Variants in TNIK observed in about 807,000 individuals in gnomAD.
TNIK encodes TRAF2 and NCK-interacting protein kinase.
TNIK carries 49 observed loss-of-function variants against 191.3 expected under a neutral mutation model. The ratio of observed to expected loss-of-function variants is 0.26; its 90% CI spans 0.20 to 0.32. The LOEUF (loss-of-function observed/expected upper bound fraction) is 0.32, where lower values mean the gene tolerates loss of function less well. Among genes scored for constraint, TNIK ranks in the 10% least tolerant of loss-of-function variants. The pLI, the probability that TNIK is intolerant of heterozygous loss-of-function variation, is 1.00. For missense variants in TNIK, 1,155 were observed against 1,702.3 expected (o/e 0.68, Z 5.66); for synonymous variants, 594 against 600.9 (o/e 0.99, Z 0.17).
intron 1 of TNIK, among the ~76,000 whole-genome samples, chr3:171,405,508 T>TAAAA (rs10635709): frequency 0.15 from 21,108 of 144,278 alleles, 1,739 homozygotes; most frequent in South Asian, 0.32. Flanking sequence ...CCAAATCTGG[T>TAAAA]AAAAAAAAAA....
chr3:171,173,386 AC>A (rs1474821133), intron 9 of TNIK, among the ~76,000 whole-genome samples: 1 of 131,030 alleles, frequency 7.6e-6, no homozygotes, highest in Non-Finnish European at 1.6e-5. Flanking sequence ...ACAGAGCGAG[AC>A]TCCGTCTCAA....
chr3:171,397,043 G>A (rs1384073342), intron 1 of TNIK, among the ~76,000 whole-genome samples: 1 of 152,130 alleles, frequency 6.6e-6, no homozygotes, highest in South Asian at 2.1e-4. Context: ...AAATACACTG[G>A]CATGAAGAGA....
chr3:171,068,034 A>G (rs1416375135), intron 30 of TNIK, among the ~76,000 whole-genome samples: 1 of 152,192 alleles, frequency 6.6e-6, no homozygotes, highest in Non-Finnish European at 1.5e-5. Flanking sequence ...GTAGCTTCAA[A>G]CATTCCTGAT....
In TNIK at chr3:171,204,891, C is replaced by T. The variant is rs182710564; in HGVS notation, c.306+6225G>A. 2.9e-4 allele frequency among the ~76,000 whole-genome samples: 44 copies of T among 152,258 alleles called. 1 individual carries two copies. The highest frequency in any genetic ancestry group is 1.0e-3 in the African/African-American group (42 of 41,552). On this transcript the variant is annotated intron_variant, in intron 4 of 32. Coordinates refer to ENST00000436636, the MANE Select transcript of TNIK (RefSeq NM_015028.4). ...AGACAGCTTGGGGTTAGCTAGCATG[C>T]TGGCTTCATCACGGACTTGCTATAA...
chr3:171,288,171 GGA>G (rs1264526329), intron 2 of TNIK, among the ~76,000 whole-genome samples: 34 of 113,872 alleles, frequency 3.0e-4, no homozygotes, highest in African/African-American at 9.7e-4. Flanking sequence ...ACTGTGGTGG[GGA>G]GGGGGGAGGG....
intron 2 of TNIK, among the ~76,000 whole-genome samples, chr3:171,368,158 T>A (rs1224894619): frequency 1.3e-5 from 2 of 152,260 alleles, no homozygotes; most frequent in East Asian, 3.9e-4. Context: ...GACTGCAGAG[T>A]TTCACCTCTT....
chr3:171,274,195 C>CAA (rs1229282529), intron 2 of TNIK, among the ~76,000 whole-genome samples: 3 of 152,186 alleles, frequency 2.0e-5, no homozygotes, highest in Admixed American at 1.3e-4. Flanking sequence ...GAAAGGCACA[C>CAA]AAGAAACATG....
At chr3:171,116,007 C>T (rs1234975918) in intron 18 of TNIK, among the ~76,000 whole-genome samples, 1 of 152,194 alleles carries the variant, frequency 6.6e-6, no homozygotes, top group Non-Finnish European at 1.5e-5. Context: ...GTTCTCCTCA[C>T]CAGAGCTAAC....
At chr3:171,445,436 A>T (rs77199260) in intron 1 of TNIK, among the ~76,000 whole-genome samples, 5 of 151,418 alleles carry the variant, frequency 3.3e-5, no homozygotes, top group Non-Finnish European at 7.4e-5. Flanking sequence ...AAAAAAAAAA[A>T]GTTGAGAGAG....
chr3:171,177,504 T>G, intron 7 of TNIK, 124 bp from the exon 8 acceptor site: 2 of 1,155,258 alleles, frequency 1.7e-6, no homozygotes, highest in Non-Finnish European at 2.4e-6. Flanking sequence ...AACCTATTTC[T>G]TCCACTAACC....
chr3:171,103,780 G>GTTTAT (rs149392877), intron 21 of TNIK, among the ~76,000 whole-genome samples: 12,345 of 151,822 alleles, frequency 0.081, 1,625 homozygotes, highest in African/African-American at 0.28. Flanking sequence ...CTTGGCTATG[G>GTTTAT]TTTAATTAAT....
In TNIK at chr3:171,060,327, C is replaced by T. The variant is rs1007510642; in HGVS notation, c.*3554G>A. ...ACTGGACAGGAGGGACCAGAGACAC[C>T]AATTACCAATGAGTCACAAGAACAG... On this transcript the variant is annotated 3_prime_UTR_variant, in exon 33 of 33. Transcript: ENST00000436636. Among the ~76,000 whole-genome samples, 18 of 152,066 alleles carry T rather than the reference C, an allele frequency of 1.2e-4. No homozygotes were observed. The highest frequency in any genetic ancestry group is 4.3e-4 in the African/African-American group (18 of 41,394).
intron 2 of TNIK, among the ~76,000 whole-genome samples, chr3:171,271,181 ATTCTT>A (rs1749048972): frequency 6.6e-6 from 1 of 152,196 alleles, no homozygotes. Flanking sequence ...TTCTGCAACA[ATTCTT>A]TTCTAATTGC....
intron 2 of TNIK, among the ~76,000 whole-genome samples, chr3:171,308,684 C>T (rs1330354807): frequency 6.6e-6 from 1 of 152,024 alleles, no homozygotes; most frequent in Non-Finnish European, 1.5e-5. Flanking sequence ...TATCCAGACT[C>T]CATAGGGAGC....
rs2108285488 is a variant in TNIK, at chr3:171,060,340, G to A, written c.*3541C>T. Reference sequence around the variant, plus strand: ...GACCAGAGACACCAATTACCAATGAGTCACAAGAACAGACAAAAATTGTTA... The same window carrying A: ...GACCAGAGACACCAATTACCAATGAATCACAAGAACAGACAAAAATTGTTA... On this transcript the variant is annotated 3_prime_UTR_variant, in exon 33 of 33. Coordinates refer to ENST00000436636, the MANE Select transcript of TNIK (RefSeq NM_015028.4). Among the ~76,000 whole-genome samples the A allele has an allele frequency of 6.6e-6, 1 of 152,240 alleles. No homozygotes were observed. The highest frequency in any genetic ancestry group is 2.1e-4 in the South Asian group (1 of 4,822).
At chr3:171,402,932 T>C (rs1721139741) in intron 1 of TNIK, among the ~76,000 whole-genome samples, 1 of 152,184 alleles carries the variant, frequency 6.6e-6, no homozygotes, top group South Asian at 2.1e-4. Flanking sequence ...CCAAAGTATT[T>C]TTAAAAATTG....
At chr3:171,309,337 T>C (rs1174616450) in intron 2 of TNIK, among the ~76,000 whole-genome samples, 2 of 152,072 alleles carry the variant, frequency 1.3e-5, no homozygotes, top group Middle Eastern at 3.4e-3. Context: ...ACTTAATAAG[T>C]GAGAGCTAAA....
intron 21 of TNIK, chr3:171,106,587 GTCAT>G: frequency 2.1e-6 from 1 of 484,402 alleles, no homozygotes; most frequent in South Asian, 1.5e-5. Context: ...CAGTAAGGCA[GTCAT>G]CCTTCTTAGC....
At chr3:171,229,321 C>A (rs539305547) in intron 2 of TNIK, among the ~76,000 whole-genome samples, 2 of 152,270 alleles carry the variant, frequency 1.3e-5, no homozygotes, top group Non-Finnish European at 1.5e-5. Context: ...AGGCAAGGAC[C>A]ATGTCTCATC....
Sources: gnomAD v4.1 joint callset for allele counts (sites outside exome capture counted in the v4.1 genomes callset) on GRCh38, gnomAD v4.1.1 for gene constraint, MANE v1.5 for transcripts, NCBI Gene and HGNC (gene_info 2026-07-23, HGNC 2026-07-21) for gene names.